Variants in KATNAL2 observed in about 807,000 individuals in gnomAD.
KATNAL2 encodes the protein katanin p60 ATPase-containing subunit A-like 2.
Under a neutral mutation model 76.3 loss-of-function variants are expected in KATNAL2, and 52 were observed. The ratio of observed to expected loss-of-function variants is 0.68; its 90% CI spans 0.55 to 0.86. The LOEUF (loss-of-function observed/expected upper bound fraction) is 0.86, where lower values mean the gene tolerates loss of function less well. Among genes scored for constraint, KATNAL2 ranks in the 40% least tolerant of loss-of-function variants. KATNAL2 has a pLI of 0.00. For missense variants in KATNAL2, 660 were observed against 668.9 expected, an observed-to-expected ratio of 0.99 and a Z score of 0.15; for synonymous variants, 243 against 244.2, an observed-to-expected ratio of 1.00 and a Z score of 0.05.
intron 3 of KATNAL2, 55 bp from the exon 4 acceptor site, chr18:47,046,402 G>A (rs758903701): frequency 2.3e-4 from 272 of 1,180,640 alleles, no homozygotes; most frequent in East Asian, 3.8e-4. Context: ...GTTTATTGCC[G>A]TAGGAGCAGT....
At chr18:47,064,941 G>C (rs113332614) in intron 10 of KATNAL2, among the ~76,000 whole-genome samples, 10 of 152,166 alleles carry the variant, frequency 6.6e-5, no homozygotes, top group African/African-American at 2.2e-4. Flanking sequence ...AAGAGGTCAA[G>C]AAATACTGCT....
chr18:46,932,369 C>A (rs8098948), intron 1 of KATNAL2, among the ~76,000 whole-genome samples: 67,852 of 151,796 alleles, frequency 0.45, 15,245 homozygotes, highest in Middle Eastern at 0.51. Context: ...ACACAAACTA[C>A]TAAAAGAAAT....
At chr18:46,926,085 AC>A (rs1367154269) in intron 1 of KATNAL2, among the ~76,000 whole-genome samples, 1 of 151,516 alleles carries the variant, frequency 6.6e-6, no homozygotes, top group Non-Finnish European at 1.5e-5. Flanking sequence ...TCTATTTCCT[AC>A]AGTTCTGCTC....
intron 15 of KATNAL2, among the ~76,000 whole-genome samples, chr18:47,089,206 C>T (rs116151186): frequency 1.5e-3 from 234 of 152,296 alleles, no homozygotes; most frequent in African/African-American, 5.3e-3. Flanking sequence ...TCAGCTTCCT[C>T]TTTATTTTTG....
intron 15 of KATNAL2, among the ~76,000 whole-genome samples, chr18:47,078,727 G>A (rs1419201763): frequency 6.6e-6 from 1 of 152,164 alleles, no homozygotes; most frequent in Non-Finnish European, 1.5e-5. Flanking sequence ...TCTACCCCCA[G>A]TGAATACCTA....
At chr18:47,058,140 T>C in intron 6 of KATNAL2, 95 bp from the exon 7 acceptor site, 2 of 861,532 alleles carry the variant, frequency 2.3e-6, no homozygotes, top group Non-Finnish European at 3.8e-6. Context: ...TTTCAATAGC[T>C]TTCTTAAATG....
chr18:46,946,915 C>T lies in KATNAL2; in HGVS notation c.43C>T (p.Arg15Trp). The stretch of plus-strand genomic sequence containing the variant: ...GACCCTGAAATTCACGCATCAGGCG[C>T]GGGAAGCGGTAAGGAACGCATATAT... ...YQTLKFTHQA[R>W]EACEMRTEAR... The change falls in exon 3 of 18, where the codon CGG becomes TGG. Residue 15 changes from arginine (R) to tryptophan (W), a missense_variant. By Grantham distance (101) the Arg-to-Trp change is moderately radical. Transcript: ENST00000683218. 1 of 1,532,044 alleles carries T rather than the reference C, an allele frequency of 6.5e-7. No individual in the cohort carries two copies. Among genetic ancestry groups the T allele is most frequent in the Non-Finnish European group, 8.7e-7 (1 of 1,143,128 alleles). 94.9% of individuals were successfully genotyped at this position (1,532,044 alleles called of 1,614,324 possible).
intron 1 of KATNAL2, among the ~76,000 whole-genome samples, chr18:46,931,295 G>C (rs566077576): frequency 6.7e-6 from 1 of 150,356 alleles, no homozygotes; most frequent in Admixed American, 6.6e-5. Flanking sequence ...GTGAGATTCC[G>C]TCTCAAAATA....
intron 1 of KATNAL2, among the ~76,000 whole-genome samples, chr18:46,924,817 C>A (rs1405804746): frequency 6.6e-6 from 1 of 151,758 alleles, no homozygotes; most frequent in Non-Finnish European, 1.5e-5. Context: ...GGATTCAATA[C>A]CTTGTAAGGT....
chr18:47,083,076 T>C (rs1272877407), intron 15 of KATNAL2, among the ~76,000 whole-genome samples: 1 of 152,228 alleles, frequency 6.6e-6, no homozygotes, highest in Non-Finnish European at 1.5e-5. Flanking sequence ...CTTTCTCTGT[T>C]AGAAATAACA....
intron 15 of KATNAL2, among the ~76,000 whole-genome samples, chr18:47,096,325 T>C (rs1463621867): frequency 6.6e-6 from 1 of 152,236 alleles, no homozygotes; most frequent in Admixed American, 6.5e-5. Context: ...GTTTTCATTG[T>C]TACTCTTTTT....
At chr18:46,941,593 G>A (rs768047672) in intron 1 of KATNAL2, among the ~76,000 whole-genome samples, 23 of 152,108 alleles carry the variant, frequency 1.5e-4, no homozygotes, top group Non-Finnish European at 2.6e-4. Context: ...CCACCTAATA[G>A]TATAATTTTG....
chr18:47,088,577 A>C (rs568583153), intron 15 of KATNAL2, among the ~76,000 whole-genome samples: 1 of 151,926 alleles, frequency 6.6e-6, no homozygotes, highest in African/African-American at 2.4e-5. Flanking sequence ...TTAATTAATA[A>C]ATTTATTCAT....
At chr18:47,035,444 A>G (rs2060726939) in intron 3 of KATNAL2, 1 of 1,351,374 alleles carries the variant, frequency 7.4e-7, no homozygotes, top group African/African-American at 1.5e-5. Context: ...CTTGGTCTGG[A>G]ACGGCCGTCC....
rs554511864 is a variant in KATNAL2 at position 46,946,228 on chromosome 18, A to T, written c.-338A>T. The T allele has an allele frequency of 2.1e-4, 227 of 1,081,506 alleles. No homozygotes were observed. The highest frequency in any genetic ancestry group is 2.3e-4 in the Non-Finnish European group (205 of 882,954). 67.0% of individuals were successfully genotyped at this position (1,081,506 alleles called of 1,614,324 possible). A position where few individuals can be genotyped will look rare whatever the true frequency, so the allele number is the denominator to read the frequency against. On this transcript the variant is annotated 5_prime_UTR_variant, in exon 2 of 18. Transcript: ENST00000683218. ...AGACTAGTTAACACATGAAAAAAAT[A>T]GAGCAGAGGAAAACACGTCCATGTT...
intron 1 of KATNAL2, among the ~76,000 whole-genome samples, chr18:46,920,779 A>T (rs1004540290): frequency 3.3e-5 from 5 of 152,152 alleles, no homozygotes; most frequent in Non-Finnish European, 5.9e-5. Context: ...TTAAAAAGAA[A>T]TCCCTGCACT....
chr18:46,922,116 T>G (rs78816790), intron 1 of KATNAL2, among the ~76,000 whole-genome samples: 2 of 151,754 alleles, frequency 1.3e-5, no homozygotes, highest in Non-Finnish European at 2.9e-5. Context: ...TTTTTTTTTT[T>G]TTGAGACAGG....
intron 13 of KATNAL2, among the ~76,000 whole-genome samples, chr18:47,074,252 C>A (rs935426517): frequency 1.3e-5 from 2 of 152,172 alleles, no homozygotes; most frequent in Admixed American, 6.5e-5. Context: ...CTGGTGCATG[C>A]GCTTGAATGT....
At chr18:46,927,932 C>G (rs576936995) in intron 1 of KATNAL2, among the ~76,000 whole-genome samples, 2 of 152,314 alleles carry the variant, frequency 1.3e-5, no homozygotes, top group East Asian at 3.9e-4. Context: ...GTTTTCAGCT[C>G]CATCAGGTCC....
Sources: allele counts gnomAD v4.1 joint callset (sites outside exome capture counted in the v4.1 genomes callset), GRCh38; gene constraint gnomAD v4.1.1; transcripts MANE v1.5; gene names NCBI Gene and HGNC (gene_info 2026-07-23, HGNC 2026-07-21).